The following DSCAM variants were observed in gnomAD, a reference collection of about 807,000 sequenced individuals.
DSCAM encodes the protein cell adhesion molecule DSCAM.
Under a neutral mutation model 217.7 loss-of-function variants are expected in DSCAM, and 47 were observed. That is an observed-to-expected ratio of 0.22 (90% CI 0.17 to 0.28). The LOEUF is 0.28. Among genes scored for constraint, DSCAM ranks in the 10% least tolerant of loss-of-function variants. DSCAM has a pLI of 1.00. For synonymous variants in DSCAM, 1,056 were observed against 1,015.3 expected, an observed-to-expected ratio of 1.04 and a Z score of -0.76; for missense variants, 2,080 against 2,618.3, an observed-to-expected ratio of 0.79 and a Z score of 4.49.
intron 3 of DSCAM, among the ~76,000 whole-genome samples, chr21:40,663,149 GT>G (rs34772374): frequency 0.8 from 120,249 of 150,776 alleles, 49,696 homozygotes; most frequent in East Asian, 0.98. Context: ...ATGTATGCAT[GT>G]TAAGTGTATG....
chr21:40,464,773 G>A (rs1444181498), intron 3 of DSCAM, among the ~76,000 whole-genome samples: 3 of 142,140 alleles, frequency 2.1e-5, no homozygotes, highest in Admixed American at 1.4e-4. Flanking sequence ...GCAGAGTCTC[G>A]CTCTGTTGCC....
chr21:40,085,728 T>C lies in DSCAM; in HGVS notation c.4006A>G (p.Arg1336Gly). Reference protein sequence around the residue: ...TPSLVTIDGRRSIFSNGSFII... With the variant: ...TPSLVTIDGRGSIFSNGSFII... ...AAGCTTCCGTTGCTAAAGATGCTCC[T>C]CCGCCCATCAATCGTTACTAGACTG... Residue 1336 changes from arginine (R) to glycine (G), a missense_variant, in exon 23 of 33, where the codon AGG (arginine) becomes GGG (glycine). This residue lies in a region of DSCAM where 1,144 missense variants were observed against 1,421.1 expected (regional missense o/e 0.81). Coordinates refer to ENST00000400454, the MANE Select transcript of DSCAM (RefSeq NM_001389.5). The C allele has an allele frequency of 6.3e-7, 1 of 1,579,990 alleles. No homozygotes were observed. The highest frequency in any genetic ancestry group is 8.7e-7 in the Non-Finnish European group (1 of 1,154,152).
At chr21:40,572,890 T>C (rs2076819222) in intron 3 of DSCAM, among the ~76,000 whole-genome samples, 1 of 152,162 alleles carries the variant, frequency 6.6e-6, no homozygotes. Context: ...ATTTTAATAC[T>C]GTCAACAAAA....
intron 3 of DSCAM, 104 bp from the exon 4 acceptor site, chr21:40,369,349 CTT>C (rs1244298523): frequency 1.6e-6 from 2 of 1,219,142 alleles, no homozygotes; most frequent in East Asian, 2.5e-5. Context: ...CCTGAAGAAA[CTT>C]AATGAAAAGG....
intron 8 of DSCAM, among the ~76,000 whole-genome samples, chr21:40,315,545 A>G (rs571628662): frequency 1.3e-5 from 2 of 152,366 alleles, no homozygotes; most frequent in Admixed American, 1.3e-4. Flanking sequence ...AGAGGTAGCT[A>G]TAGAAGAATC....
chr21:40,500,958 C>G (rs1414874230), intron 3 of DSCAM, among the ~76,000 whole-genome samples: 1 of 151,858 alleles, frequency 6.6e-6, no homozygotes, highest in African/African-American at 2.4e-5. Context: ...AGGTATGCAG[C>G]ACGAGGCTTC....
intron 3 of DSCAM, among the ~76,000 whole-genome samples, chr21:40,538,398 T>TC (rs1165047885): frequency 6.6e-6 from 1 of 152,084 alleles, no homozygotes; most frequent in African/African-American, 2.4e-5. Context: ...AATGCGCCAC[T>TC]CCCCCAAGTA....
At chr21:40,416,990 C>T (rs1350282649) in intron 3 of DSCAM, among the ~76,000 whole-genome samples, 3 of 152,088 alleles carry the variant, frequency 2.0e-5, no homozygotes, top group Non-Finnish European at 4.4e-5. Flanking sequence ...ACGTGCAATG[C>T]TCCTTCAAAT....
intron 3 of DSCAM, among the ~76,000 whole-genome samples, chr21:40,371,554 G>A (rs767310905): frequency 9.2e-5 from 14 of 152,144 alleles, no homozygotes; most frequent in Non-Finnish European, 1.8e-4. Flanking sequence ...TTCCAGAAAG[G>A]TTGAGAAATG....
chr21:40,570,788 A>G (rs2076800308), intron 3 of DSCAM, among the ~76,000 whole-genome samples: 1 of 152,230 alleles, frequency 6.6e-6, no homozygotes, highest in South Asian at 2.1e-4. Context: ...CATAGAAGAG[A>G]AAAGAATCAA....
intron 5 of DSCAM, among the ~76,000 whole-genome samples, chr21:40,352,320 T>C (rs1431192459): frequency 6.6e-6 from 1 of 152,346 alleles, no homozygotes; most frequent in East Asian, 1.9e-4. Flanking sequence ...TCTTACTGGC[T>C]GTCCAATGCT....
intron 8 of DSCAM, among the ~76,000 whole-genome samples, chr21:40,331,125 A>G (rs916835503): frequency 2.6e-5 from 4 of 152,238 alleles, no homozygotes; most frequent in Non-Finnish European, 5.9e-5. Context: ...TATTGCAAGT[A>G]ACTCCAGTAT....
At chr21:40,330,954 G>C (rs950117963) in intron 8 of DSCAM, among the ~76,000 whole-genome samples, 2 of 152,120 alleles carry the variant, frequency 1.3e-5, no homozygotes, top group Non-Finnish European at 2.9e-5. Context: ...CAATTCCCAA[G>C]TCGTTGTTGA....
At chr21:40,418,959 T>C (rs1244409882) in intron 3 of DSCAM, among the ~76,000 whole-genome samples, 5 of 151,958 alleles carry the variant, frequency 3.3e-5, no homozygotes, top group African/African-American at 1.2e-4. Flanking sequence ...GAAAAGGAAA[T>C]AATTAAAGAA....
intron 3 of DSCAM, among the ~76,000 whole-genome samples, chr21:40,679,116 C>T (rs1330360951): frequency 6.6e-6 from 1 of 152,036 alleles, no homozygotes; most frequent in African/African-American, 2.4e-5. Context: ...CACTCTTTGC[C>T]TTGGGAGGAG....
At chr21:40,178,841 G>T in intron 15 of DSCAM, 86 bp downstream of exon 15, 1 of 1,553,932 alleles carries the variant, frequency 6.4e-7, no homozygotes, top group Non-Finnish European at 8.8e-7. Context: ...CACGGGCAAA[G>T]GTCTGCTTCT....
At chr21:40,585,660 T>C (rs1051957456) in intron 3 of DSCAM, among the ~76,000 whole-genome samples, 2 of 152,112 alleles carry the variant, frequency 1.3e-5, no homozygotes, top group South Asian at 2.1e-4. Context: ...CCTCACCAAG[T>C]TGTAGGTCGA....
chr21:40,510,518 T>C (rs552063549), intron 3 of DSCAM, among the ~76,000 whole-genome samples: 9 of 152,338 alleles, frequency 5.9e-5, no homozygotes, highest in African/African-American at 9.6e-5. Flanking sequence ...CAAAGGTTTA[T>C]TGAAAACTAA....
chr21:40,290,520 C>T (rs138685811), intron 10 of DSCAM, among the ~76,000 whole-genome samples: 1,948 of 152,276 alleles, frequency 0.013, 44 homozygotes, highest in African/African-American at 0.045. Context: ...GCTTGGGAGG[C>T]TGAGGCAGAA....
Sources: gnomAD v4.1 joint callset for allele counts (sites outside exome capture counted in the v4.1 genomes callset) on GRCh38, gnomAD v4.1.1 for gene constraint, gnomAD v4.1.1 regional missense constraint, MANE v1.5 for transcripts, NCBI Gene and HGNC (gene_info 2026-07-23, HGNC 2026-07-21) for gene names.